Variants in NDUFB5 observed in about 807,000 individuals in gnomAD.
NDUFB5 encodes NADH:ubiquinone oxidoreductase subunit B5, also known as NADH dehydrogenase [ubiquinone] 1 beta subcomplex subunit 5, mitochondrial.
A neutral mutation model predicts 19.4 loss-of-function variants in NDUFB5; 19 were observed. The observed-to-expected ratio is 0.98, with a 90% CI of 0.68 to 1.43. The LOEUF is 1.43. Ranked by LOEUF, NDUFB5 falls within the 40% of genes most tolerant of loss-of-function variation. NDUFB5 has a pLI of 0.00. For missense variants in NDUFB5, 233 were observed against 236.5 expected (o/e 0.99, Z 0.10); for synonymous variants, 80 against 82.6 (o/e 0.97, Z 0.17).
chr3:179,624,799 T>C lies in NDUFB5; in HGVS notation c.*759T>C, dbSNP rs1560028362. 1.0e-5 allele frequency: 1 copy of C among 100,120 alleles called. No individual in the cohort carries two copies. The highest frequency in any genetic ancestry group is 2.4e-5 in the Non-Finnish European group (1 of 41,370). The allele number at this position is 100,120 out of a possible 1,614,324, so 6.2% of individuals were successfully genotyped here. ...TTTTTAACATTATTTTCTTTTCTTT[T>C]TTTTTTTTTTTTTTTTTGACGAAAT... On this transcript the variant is annotated 3_prime_UTR_variant, in exon 6 of 6. Transcript: ENST00000259037.
At chr3:179,622,441 A>G (rs1719563673) in intron 5 of NDUFB5, among the ~76,000 whole-genome samples, 1 of 152,104 alleles carries the variant, frequency 6.6e-6, no homozygotes, top group Non-Finnish European at 1.5e-5. Context: ...CACTGCTCCC[A>G]GCTTACTATT....
chr3:179,619,888 A>G (rs990166612), intron 5 of NDUFB5, among the ~76,000 whole-genome samples: 1 of 152,138 alleles, frequency 6.6e-6, no homozygotes, highest in Non-Finnish European at 1.5e-5. Flanking sequence ...AATGATCACC[A>G]TTCTAACTGG....
At chr3:179,617,095 A>T (rs140233917) in intron 4 of NDUFB5, 51 bp downstream of exon 4, 1 of 1,329,560 alleles carries the variant, frequency 7.5e-7, no homozygotes. Context: ...TTGTCAACGC[A>T]CTAGTTAATG....
At chr3:179,607,067 CA>C (rs1180346150) in intron 1 of NDUFB5, among the ~76,000 whole-genome samples, 3 of 152,218 alleles carry the variant, frequency 2.0e-5, no homozygotes, top group Admixed American at 1.3e-4. Context: ...AGATAAACTG[CA>C]GCAAAATTTC....
rs2108406051 is a variant in NDUFB5 at position 179,624,558 on chromosome 3, G to GACAGACACGTACACAC, written c.*521_*522insGACACGTACACACACA. On this transcript the variant is annotated 3_prime_UTR_variant, in exon 6 of 6. Coordinates refer to ENST00000259037, the MANE Select transcript of NDUFB5 (RefSeq NM_002492.4). ...ATTGTTCTTTTTTAAACTACACACAGACACACAGACACGTACACACACACA... is the reference window on the plus strand; with the variant it reads ...ATTGTTCTTTTTTAAACTACACACAGACAGACACGTACACACACACACAGACACGTACACACACACA... The GACAGACACGTACACAC allele has an allele frequency of 1.8e-5, 1 of 56,964 alleles. No individual in the cohort carries two copies. Among genetic ancestry groups the GACAGACACGTACACAC allele is most frequent in the African/African-American group, 9.3e-5 (1 of 10,716 alleles). 3.5% of individuals were successfully genotyped at this position (56,964 alleles called of 1,614,324 possible).
chr3:179,612,528 T>G (rs2108395730), intron 1 of NDUFB5, among the ~76,000 whole-genome samples: 1 of 143,536 alleles, frequency 7.0e-6, no homozygotes, highest in South Asian at 2.2e-4. Context: ...CAGGTTGGAG[T>G]GCAGTGGCGC....
At chr3:179,619,824 A>G (rs1474407243) in intron 5 of NDUFB5, among the ~76,000 whole-genome samples, 1 of 152,122 alleles carries the variant, frequency 6.6e-6, no homozygotes, top group Non-Finnish European at 1.5e-5. Flanking sequence ...AACAGTGTAA[A>G]AGTGTTCCTA....
At chr3:179,608,861 A>T (rs1719170065) in intron 1 of NDUFB5, among the ~76,000 whole-genome samples, 1 of 152,132 alleles carries the variant, frequency 6.6e-6, no homozygotes, top group Non-Finnish European at 1.5e-5. Context: ...AACTTGTTTA[A>T]TCCTAAATGG....
At chr3:179,623,602 A>T (rs1354128854) in intron 5 of NDUFB5, among the ~76,000 whole-genome samples, 3 of 152,190 alleles carry the variant, frequency 2.0e-5, no homozygotes, top group African/African-American at 7.2e-5. Flanking sequence ...TGAGCCTGGG[A>T]GGTAGAAGTT....
At position 179,615,984 on chromosome 3, in the gene NDUFB5, G is replaced by GAA; in HGVS notation, c.216_217insAA (p.Phe73AsnfsTer6). ...GAAACACTTTTTTTTTTATCTTAGA[G>GAA]ATTCTACATTGCATTGACTGGGATT... On this transcript the variant is annotated frameshift_variant and splice_region_variant, in exon 3 of 6. Coordinates refer to ENST00000259037, the MANE Select transcript of NDUFB5 (RefSeq NM_002492.4). LOFTEE classifies it high-confidence loss of function. 1 of 1,609,884 alleles carries GAA rather than the reference G, an allele frequency of 6.2e-7. No homozygotes were observed. The highest frequency in any genetic ancestry group is 8.5e-7 in the Non-Finnish European group (1 of 1,176,842).
chr3:179,606,303 A>G (rs1719098150), intron 1 of NDUFB5, among the ~76,000 whole-genome samples: 2 of 152,270 alleles, frequency 1.3e-5, no homozygotes, highest in Non-Finnish European at 2.9e-5. Flanking sequence ...AATAGCCAAC[A>G]TTTACTGAGC....
At chr3:179,612,719 G>A (rs1433031048) in intron 1 of NDUFB5, among the ~76,000 whole-genome samples, 4 of 151,696 alleles carry the variant, frequency 2.6e-5, no homozygotes, top group Non-Finnish European at 5.9e-5. Flanking sequence ...CTCGTGAGCC[G>A]CCCGCCTCGG....
intron 1 of NDUFB5, 48 bp from the exon 2 acceptor site, chr3:179,614,923 T>A (rs1202561935): frequency 2.4e-6 from 3 of 1,249,732 alleles, no homozygotes; most frequent in Non-Finnish European, 2.3e-6. Context: ...AATATAACAG[T>A]ATACCCATAT....
At chr3:179,621,085 TC>T (rs1719522210) in intron 5 of NDUFB5, among the ~76,000 whole-genome samples, 1 of 151,994 alleles carries the variant, frequency 6.6e-6, no homozygotes. Context: ...TTTTCTTTCT[TC>T]CCCCCGCCCG....
At position 179,607,958 on chromosome 3, in the gene NDUFB5, C is replaced by T. The variant is rs143205169; in HGVS notation, c.124+3019C>T. 1.8e-5 allele frequency: 11 copies of T among 607,880 alleles called. No homozygotes were observed. The East Asian group carries it at 2.8e-4, about 16-fold the overall frequency. The allele number at this position is 607,880 out of a possible 1,614,324, so 37.7% of individuals were successfully genotyped here. On this transcript the variant is annotated intron_variant, in intron 1 of 5. Transcript: ENST00000259037. ...TATGTATTTACCCCATTTTGCTTATCCATCATCTGTCAATTGGGTTGCATC... is the reference window on the plus strand; with the variant it reads ...TATGTATTTACCCCATTTTGCTTATTCATCATCTGTCAATTGGGTTGCATC...
At chr3:179,605,974 T>C (rs1327923779) in intron 1 of NDUFB5, among the ~76,000 whole-genome samples, 3 of 152,124 alleles carry the variant, frequency 2.0e-5, no homozygotes, top group African/African-American at 7.2e-5. Flanking sequence ...GTATATTTAG[T>C]AGAGATGGGG....
At chr3:179,606,949 T>G (rs1331679346) in intron 1 of NDUFB5, among the ~76,000 whole-genome samples, 2 of 152,262 alleles carry the variant, frequency 1.3e-5, no homozygotes, top group Non-Finnish European at 2.9e-5. Context: ...ACTACATTCC[T>G]TGATGAAAAT....
intron 1 of NDUFB5, among the ~76,000 whole-genome samples, chr3:179,606,165 A>G (rs1719093656): frequency 2.6e-5 from 4 of 152,226 alleles, no homozygotes; most frequent in African/African-American, 9.6e-5. Context: ...GAATAATCAT[A>G]GCAAAGATCA....
At chr3:179,623,865 T>C (rs1719596939) in intron 5 of NDUFB5, 55 bp from the exon 6 acceptor site, 1 of 1,607,962 alleles carries the variant, frequency 6.2e-7, no homozygotes, top group African/African-American at 1.3e-5. Context: ...AATGGCTCAT[T>C]AAATTTATAA....
Sources: gnomAD v4.1 joint callset for allele counts (sites outside exome capture counted in the v4.1 genomes callset) on GRCh38, gnomAD v4.1.1 for gene constraint, MANE v1.5 for transcripts, NCBI Gene and HGNC (gene_info 2026-07-23, HGNC 2026-07-21) for gene names.